The following TBC1D30 variants were observed in gnomAD, a reference collection of about 807,000 sequenced individuals.
TBC1D30 encodes TBC1 domain family member 30.
Under a neutral mutation model 63.2 loss-of-function variants are expected in TBC1D30, and 31 were observed. That is an observed-to-expected ratio of 0.49 (90% CI 0.37 to 0.66). TBC1D30 has a LOEUF of 0.66. Among genes scored for constraint, TBC1D30 ranks in the 30% least tolerant of loss-of-function variants. The pLI is 0.00. For missense variants in TBC1D30, 810 were observed against 953.6 expected, an observed-to-expected ratio of 0.85 and a Z score of 1.98; for synonymous variants, 307 against 361.5, an observed-to-expected ratio of 0.85 and a Z score of 1.71.
chr12:64,836,450 TTTTACAAAGCAG>T, intron 5 of TBC1D30, 28 bp from the exon 6 acceptor site: 1 of 1,494,718 alleles, frequency 6.7e-7, no homozygotes, highest in African/African-American at 1.4e-5. Flanking sequence ...GGATCCCAGT[TTTTACAAAGCAG>T]TCTTAAGCTT....
At chr12:64,785,147 C>CTTTTTTTTTTTTTTTTTTTTTT (rs3033154) in intron 1 of TBC1D30, among the ~76,000 whole-genome samples, 6 of 134,846 alleles carry the variant, frequency 4.4e-5, no homozygotes, top group Non-Finnish European at 9.5e-5. Flanking sequence ...ACTTTAAAGA[C>CTTTTTTTTTTTTTTTTTTTTTT]TTTTTTTTTT....
chr12:64,780,560 G>T (rs1285217729), exon 1 of TBC1D30, among the ~76,000 whole-genome samples: 3 of 152,262 alleles, frequency 2.0e-5, no homozygotes, highest in Non-Finnish European at 4.4e-5. Context: ...TAGAGGCCGG[G>T]CCCGGGCAGC....
chr12:64,864,659 G>GT lies in TBC1D30; in HGVS notation c.1039-5dup. On this transcript the variant is annotated splice_polypyrimidine_tract_variant and intron_variant, in intron 8 of 11. Transcript: ENST00000539867. ...TTTCAGACTTGGCATTTTTGCTTTTGTTTTACAGACTGTTTATTCCATGGC... is the reference window on the plus strand; with the variant it reads ...TTTCAGACTTGGCATTTTTGCTTTTGTTTTTACAGACTGTTTATTCCATGGC... The GT allele has an allele frequency of 1.3e-6, 2 of 1,532,764 alleles. No homozygotes were observed. The highest frequency in any genetic ancestry group is 1.4e-5 in the African/African-American group (1 of 73,024). The allele number at this position is 1,532,764 out of a possible 1,614,324, so 94.9% of individuals were successfully genotyped here.
At chr12:64,857,863 C>T (rs1877441891) in intron 8 of TBC1D30, among the ~76,000 whole-genome samples, 2 of 152,208 alleles carry the variant, frequency 1.3e-5, no homozygotes, top group Admixed American at 1.3e-4. Context: ...CTTTGCTCTC[C>T]ATTGTGGCAG....
intron 2 of TBC1D30, among the ~76,000 whole-genome samples, chr12:64,805,639 C>G (rs528997427): frequency 3.7e-4 from 57 of 152,220 alleles, no homozygotes; most frequent in African/African-American, 1.3e-3. Flanking sequence ...TCAAGACCAG[C>G]CTGGCCAACA....
At chr12:64,841,301 G>A (rs918780738) in intron 7 of TBC1D30, among the ~76,000 whole-genome samples, 11 of 152,158 alleles carry the variant, frequency 7.2e-5, no homozygotes, top group African/African-American at 2.7e-4. Flanking sequence ...GGGTACTTGG[G>A]AATATGTAAA....
intron 2 of TBC1D30, among the ~76,000 whole-genome samples, chr12:64,803,210 T>A (rs1189427481): frequency 6.6e-6 from 1 of 152,192 alleles, no homozygotes; most frequent in Non-Finnish European, 1.5e-5. Flanking sequence ...GAGATGGCAT[T>A]TCCTTGTGGT....
upstream of TBC1D30, chr12:64,778,985 T>C (rs1029814201): frequency 6.6e-6 from 1 of 152,208 alleles, no homozygotes; most frequent in Non-Finnish European, 1.5e-5. Flanking sequence ...TGATGGGGAA[T>C]GGGAAATAAT....
At position 64,775,106 on chromosome 12, in the gene TBC1D30, T is replaced by A. The variant is rs946879436; in HGVS notation, c.-375-10775T>A. Among the ~76,000 whole-genome samples the A allele has an allele frequency of 6.3e-3, 915 of 144,314 alleles. 4 individuals are homozygous for A. The highest frequency in any genetic ancestry group is 0.022 in the African/African-American group (836 of 37,404). 94.7% of individuals were successfully genotyped at this position (144,314 alleles called of 152,430 possible). A position where few individuals can be genotyped will look rare whatever the true frequency, so the allele number is the denominator to read the frequency against. On this transcript the variant is annotated intron_variant, in intron 1 of 13. Coordinates refer to the TBC1D30 transcript ENST00000674237. ...AGACTGTGTCTCAAAAAAAAAAAAA[T>A]ATATATATATAGATATAGATATAGA...
chr12:64,851,415 A>G (rs1218449566), intron 8 of TBC1D30, among the ~76,000 whole-genome samples: 3 of 152,192 alleles, frequency 2.0e-5, no homozygotes, highest in Non-Finnish European at 4.4e-5. Flanking sequence ...TTTTGAGCCT[A>G]TGTAGTCTTT....
upstream of TBC1D30, chr12:64,824,450 T>C (rs1874103432): frequency 5.5e-5 from 9 of 164,170 alleles, no homozygotes; most frequent in Admixed American, 5.8e-4. Flanking sequence ...ACATCTCTGT[T>C]TCTGCTTTTG....
chr12:64,809,667 CT>C (rs1294740583), intron 2 of TBC1D30, among the ~76,000 whole-genome samples: 1 of 152,208 alleles, frequency 6.6e-6, no homozygotes, highest in Admixed American at 6.5e-5. Context: ...AACTATCCGC[CT>C]TCTGGCCTGT....
intron 7 of TBC1D30, among the ~76,000 whole-genome samples, chr12:64,842,123 C>T (rs141044146): frequency 8.5e-5 from 13 of 152,154 alleles, no homozygotes; most frequent in East Asian, 1.9e-4. Flanking sequence ...TTTGAGAGGC[C>T]GAAGCAGGTG....
rs1183056139 is a variant in TBC1D30, at chr12:64,878,984, A to C, written c.*3196A>C. ...AAGGATTCTGTATGAATAGATGTAT[A>C]GTTGCTGCCATCTCCCCATATAAAA... On this transcript the variant is annotated 3_prime_UTR_variant, in exon 12 of 12. Transcript: ENST00000539867. 1.3e-5 allele frequency: 2 copies of C among 152,720 alleles called. 1 individual carries two copies. Among genetic ancestry groups the C allele is most frequent in the Non-Finnish European group, 2.9e-5 (2 of 68,364 alleles). The allele number at this position is 152,720 out of a possible 1,614,324, so 9.5% of individuals were successfully genotyped here.
chr12:64,873,554 T>G (rs1218000522), intron 11 of TBC1D30, among the ~76,000 whole-genome samples: 1 of 151,826 alleles, frequency 6.6e-6, no homozygotes, highest in African/African-American at 2.4e-5. Flanking sequence ...CGAAGACACA[T>G]GAGGGGTTGT....
At chr12:64,845,498 G>A (rs529216312) in intron 8 of TBC1D30, among the ~76,000 whole-genome samples, 9 of 152,112 alleles carry the variant, frequency 5.9e-5, no homozygotes, top group South Asian at 2.1e-4. Flanking sequence ...AGGCTGAGGC[G>A]GGCAGATCAC....
chr12:64,759,920 C>T (rs1025812843), intron 1 of TBC1D30, among the ~76,000 whole-genome samples: 3 of 152,190 alleles, frequency 2.0e-5, no homozygotes, highest in African/African-American at 7.2e-5. Context: ...TTAATTTTCT[C>T]TACAACTTGT....
At chr12:64,783,628 G>A (rs935578162) in intron 1 of TBC1D30, among the ~76,000 whole-genome samples, 1 of 151,580 alleles carries the variant, frequency 6.6e-6, no homozygotes, top group Admixed American at 6.6e-5. Context: ...TATACCAGCA[G>A]ATATTGCTGT....
At chr12:64,785,386 A>C (rs1045978852) in intron 1 of TBC1D30, among the ~76,000 whole-genome samples, 1 of 151,748 alleles carries the variant, frequency 6.6e-6, no homozygotes, top group Non-Finnish European at 1.5e-5. Context: ...GACCTCAGGT[A>C]ATCTGCCCTC....
Sources: allele counts gnomAD v4.1 joint callset (sites outside exome capture counted in the v4.1 genomes callset), GRCh38; gene constraint gnomAD v4.1.1; transcripts MANE v1.5; gene names NCBI Gene and HGNC (gene_info 2026-07-23, HGNC 2026-07-21).